Variants in BABAM2 observed in about 807,000 individuals in gnomAD.
BABAM2 encodes the protein BRISC and BRCA1-A complex member 2.
BABAM2 carries 31 observed loss-of-function variants against 54.7 expected under a neutral mutation model. The observed-to-expected ratio is 0.57, with a 90% confidence interval of 0.43 to 0.77. BABAM2 has a LOEUF of 0.77. Among genes scored for constraint, BABAM2 ranks in the 30% least tolerant of loss-of-function variants. The probability of loss-of-function intolerance (pLI) is 0.00; values close to 1 mark genes in which losing one functional copy is unlikely to be tolerated. For synonymous variants in BABAM2, 167 were observed against 162.9 expected (o/e 1.03, Z -0.19); for missense variants, 364 against 455.8 (o/e 0.80, Z 1.83).
chr2:28,191,666 C>T (rs1444022261), intron 7 of BABAM2, among the ~76,000 whole-genome samples: 4 of 152,090 alleles, frequency 2.6e-5, no homozygotes, highest in African/African-American at 9.7e-5. Flanking sequence ...GCATGATGTA[C>T]TATTTATATA....
At chr2:28,084,117 C>G (rs1454971335) in intron 6 of BABAM2, among the ~76,000 whole-genome samples, 5 of 152,128 alleles carry the variant, frequency 3.3e-5, no homozygotes, top group Non-Finnish European at 7.4e-5. Flanking sequence ...ATGATAGTTC[C>G]TGTTGTACAC....
At chr2:28,251,627 A>T (rs750314243) in intron 10 of BABAM2, among the ~76,000 whole-genome samples, 4 of 152,186 alleles carry the variant, frequency 2.6e-5, no homozygotes, top group African/African-American at 4.8e-5. Flanking sequence ...AACAAACAAG[A>T]TGGCTACTAC....
intron 2 of BABAM2, among the ~76,000 whole-genome samples, chr2:27,910,886 T>C (rs1666533606): frequency 1.3e-5 from 2 of 152,164 alleles, no homozygotes; most frequent in African/African-American, 4.8e-5. Flanking sequence ...CCCAAATCTC[T>C]TCTTGAATTG....
chr2:28,224,346 T>C (rs1265166114), intron 7 of BABAM2, among the ~76,000 whole-genome samples: 1 of 152,214 alleles, frequency 6.6e-6, no homozygotes, highest in African/African-American at 2.4e-5. Flanking sequence ...ACATTTTTAA[T>C]TTAAAAACAA....
intron 5 of BABAM2, among the ~76,000 whole-genome samples, chr2:28,026,840 ATAAATATATATT>A (rs1675756104): frequency 1.6e-5 from 1 of 62,386 alleles, no homozygotes; most frequent in African/African-American, 6.1e-5. Flanking sequence ...ATAAATATAT[ATAAATATATATT>A]TATATATATA....
chr2:28,253,915 CT>C (rs771023447), intron 10 of BABAM2, among the ~76,000 whole-genome samples: 4 of 152,158 alleles, frequency 2.6e-5, no homozygotes, highest in Non-Finnish European at 2.9e-5. Context: ...GCACAAACTA[CT>C]GGCTCAAGGT....
At chr2:28,026,887 G>GAT (rs1348043362) in intron 5 of BABAM2, among the ~76,000 whole-genome samples, 2 of 60,906 alleles carry the variant, frequency 3.3e-5, no homozygotes, top group East Asian at 3.3e-4. Flanking sequence ...TATATATATA[G>GAT]ATATATATAA....
intron 3 of BABAM2, among the ~76,000 whole-genome samples, chr2:27,962,547 G>A (rs991089966): frequency 6.6e-5 from 10 of 152,176 alleles, no homozygotes; most frequent in Admixed American, 4.6e-4. Flanking sequence ...AATGTATTTA[G>A]AAATGAAGTT....
chr2:27,971,241 C>T (rs140955608), intron 3 of BABAM2, among the ~76,000 whole-genome samples: 11 of 152,064 alleles, frequency 7.2e-5, no homozygotes, highest in African/African-American at 2.4e-4. Flanking sequence ...AATCTCCTAA[C>T]TCTTTTTCTG....
intron 3 of BABAM2, among the ~76,000 whole-genome samples, chr2:27,937,256 A>C (rs1668552450): frequency 1.3e-5 from 2 of 152,212 alleles, no homozygotes; most frequent in Admixed American, 1.3e-4. Flanking sequence ...GAATAATGAC[A>C]AAAGTCTGTA....
intron 3 of BABAM2, among the ~76,000 whole-genome samples, chr2:27,951,151 T>C (rs1324633719): frequency 6.6e-6 from 1 of 152,218 alleles, no homozygotes; most frequent in East Asian, 1.9e-4. Flanking sequence ...ATTTCTGTTT[T>C]CTGTTTTATT....
At chr2:28,326,935 A>G (rs536686260) in intron 11 of BABAM2, among the ~76,000 whole-genome samples, 1 of 141,522 alleles carries the variant, frequency 7.1e-6, no homozygotes, top group South Asian at 2.3e-4. Context: ...TCTATTAATT[A>G]CAACATTCTA....
At chr2:27,958,668 G>T (rs905091685) in intron 3 of BABAM2, among the ~76,000 whole-genome samples, 1 of 151,924 alleles carries the variant, frequency 6.6e-6, no homozygotes, top group Non-Finnish European at 1.5e-5. Flanking sequence ...AGGCCTGGCT[G>T]CTTGGTGGAA....
chr2:28,021,634 C>T lies in BABAM2; in HGVS notation c.301-3592C>T, dbSNP rs550612180. 2.5e-3 allele frequency among the ~76,000 whole-genome samples: 380 copies of T among 152,004 alleles called. 4 individuals are homozygous for T. Among genetic ancestry groups the T allele is most frequent in the Non-Finnish European group, 4.0e-3 (272 of 67,958 alleles). ...CTCTTTTAATTTCCTTTTATTTTAT[C>T]GATATGCTAGAGAGTTGGGCAAAAT... On this transcript the variant is annotated intron_variant, in intron 4 of 11. Transcript: ENST00000379624.
At chr2:28,232,319 A>G (rs1383255606) in intron 7 of BABAM2, among the ~76,000 whole-genome samples, 1 of 152,204 alleles carries the variant, frequency 6.6e-6, no homozygotes, top group Non-Finnish European at 1.5e-5. Context: ...AATGGGTCAG[A>G]ATCAAAACCC....
At chr2:28,148,712 T>C (rs368707467) in intron 7 of BABAM2, among the ~76,000 whole-genome samples, 10 of 152,144 alleles carry the variant, frequency 6.6e-5, no homozygotes, top group African/African-American at 2.2e-4. Context: ...GTAACAGACA[T>C]GCAGGGCAAA....
chr2:27,954,773 A>G (rs1669970208), intron 3 of BABAM2, among the ~76,000 whole-genome samples: 1 of 152,224 alleles, frequency 6.6e-6, no homozygotes. Flanking sequence ...TTAAAATTTC[A>G]TGCCAAAGCA....
At chr2:27,978,857 A>T (rs1008351317) in intron 3 of BABAM2, among the ~76,000 whole-genome samples, 1 of 151,898 alleles carries the variant, frequency 6.6e-6, no homozygotes, top group Non-Finnish European at 1.5e-5. Flanking sequence ...GTATACTCCA[A>T]TGTTTAGCTT....
chr2:28,103,142 T>C (rs1422252736), intron 6 of BABAM2, among the ~76,000 whole-genome samples: 1 of 139,842 alleles, frequency 7.2e-6, no homozygotes, highest in Non-Finnish European at 1.6e-5. Flanking sequence ...ACTTATTGAG[T>C]AAAAAAAAAA....
Sources: gnomAD v4.1 joint callset for allele counts (sites outside exome capture counted in the v4.1 genomes callset) on GRCh38, gnomAD v4.1.1 for gene constraint, MANE v1.5 for transcripts, NCBI Gene and HGNC (gene_info 2026-07-23, HGNC 2026-07-21) for gene names.